Variants in COPS7B observed in about 807,000 individuals in gnomAD.
The protein encoded by COPS7B is COP9 signalosome subunit 7B.
In COPS7B, 9 loss-of-function variants were observed where a neutral mutation model predicts 33.4. That is an observed-to-expected ratio of 0.27 (90% confidence interval 0.16 to 0.47). The LOEUF (loss-of-function observed/expected upper bound fraction) is 0.47. Among genes scored for constraint, COPS7B ranks in the 20% least tolerant of loss-of-function variants. The pLI is 0.99. For synonymous variants in COPS7B, 119 were observed against 126.3 expected, an observed-to-expected ratio of 0.94 and a Z score of 0.39; for missense variants, 242 against 318.2, an observed-to-expected ratio of 0.76 and a Z score of 1.82.
intron 6 of COPS7B, among the ~76,000 whole-genome samples, chr2:231,799,169 T>A (rs1355728456): frequency 6.6e-6 from 1 of 152,210 alleles, no homozygotes; most frequent in Non-Finnish European, 1.5e-5. Flanking sequence ...TGATTCCTGG[T>A]CAGCATAGGG....
upstream of COPS7B, among the ~76,000 whole-genome samples, chr2:231,782,400 A>C (rs2049151896): frequency 6.6e-6 from 1 of 152,132 alleles, no homozygotes; most frequent in Admixed American, 6.5e-5. Flanking sequence ...GTTTTTTGCC[A>C]CTCAAGGTGA....
At position 231,808,801 on chromosome 2, in the gene COPS7B, GTGTGT is replaced by G. The variant is rs2049971477; in HGVS notation, c.*1157_*1161del. The G allele has an allele frequency of 1.5e-5, 3 of 198,356 alleles. No homozygotes were observed. Among genetic ancestry groups the G allele is most frequent in the African/African-American group, 1.0e-4 (3 of 29,830 alleles). The allele number at this position is 198,356 out of a possible 1,614,324, so 12.3% of individuals were successfully genotyped here. A position where few individuals can be genotyped will look rare whatever the true frequency, so the allele number is the denominator to read the frequency against. ...TTGGAGGGTGGGGGTGGGGTGGGGT[GTGTGT>G]GTGTGTGTGTGTGTGTGTGTGTGTG... On this transcript the variant is annotated 3_prime_UTR_variant, in exon 7 of 7. Transcript: ENST00000350033.
Position 231,798,842 on chromosome 2 carries a change from G to C in COPS7B, c.531-17G>C, listed in dbSNP as rs1251935884. On this transcript the variant is annotated splice_polypyrimidine_tract_variant and intron_variant, in intron 5 of 6. Coordinates refer to ENST00000350033, the MANE Select transcript of COPS7B (RefSeq NM_022730.4). ...CCAGGCCATTCTGCAGCTCAGGGCT[G>C]GTTTTCTCCATTGTAGGTGTGATGG... 1 of 1,610,046 alleles carries C rather than the reference G, an allele frequency of 6.2e-7. No homozygotes were observed. Among genetic ancestry groups the C allele is most frequent in the Non-Finnish European group, 8.5e-7 (1 of 1,176,418 alleles).
Position 231,791,755 on chromosome 2 carries a change from C to T in COPS7B, c.185C>T (p.Ala62Val), listed in dbSNP as rs1386715885. ...VQELAEGANA[A>V]YLQLLNLFAY... ...CAGCTTGCGGAAGGAGCTAATGCTG[C>T]TTATTTGCAGTTGTTGAACCTGTTT... The change falls in exon 3 of 7, where the codon GCT becomes GTT. Residue 62 changes from alanine to valine, a missense_variant. Physicochemically the swap from Ala to Val is moderately conservative, Grantham distance 64. Coordinates refer to ENST00000350033, the MANE Select transcript of COPS7B (RefSeq NM_022730.4). The T allele has an allele frequency of 6.2e-7, 1 of 1,613,988 alleles. No individual in the cohort carries two copies. Among genetic ancestry groups the T allele is most frequent in the Non-Finnish European group, 8.5e-7 (1 of 1,180,020 alleles).
At chr2:231,781,953 C>A (rs1262789650), upstream of COPS7B, 1 of 1,471,436 alleles carries the variant, frequency 6.8e-7, no homozygotes, top group Non-Finnish European at 9.3e-7. Flanking sequence ...TTCTTCAAAT[C>A]GTGCTTGTTT....
At chr2:231,800,072 A>G (rs1189816193) in intron 6 of COPS7B, among the ~76,000 whole-genome samples, 1 of 152,130 alleles carries the variant, frequency 6.6e-6, no homozygotes, top group Admixed American at 6.5e-5. Context: ...ACACACACAC[A>G]CCACCCTATA....
upstream of COPS7B, among the ~76,000 whole-genome samples, chr2:231,785,559 T>A (rs1043008112): frequency 3.3e-5 from 5 of 152,246 alleles, no homozygotes; most frequent in Admixed American, 3.3e-4. Flanking sequence ...TTGTTTTATC[T>A]TCATATAACT....
At chr2:231,792,173 A>T in intron 3 of COPS7B, 1 of 458,558 alleles carries the variant, frequency 2.2e-6, no homozygotes. Context: ...CATATTGAAG[A>T]AAATTTGGAA....
chr2:231,798,435 T>G (rs539869028), intron 5 of COPS7B, among the ~76,000 whole-genome samples: 18 of 151,134 alleles, frequency 1.2e-4, no homozygotes, highest in African/African-American at 4.4e-4. Flanking sequence ...TTTTGTATTT[T>G]TAGTAGAGAT....
intron 6 of COPS7B, 123 bp downstream of exon 6, chr2:231,799,087 C>T: frequency 2.5e-6 from 2 of 803,390 alleles, no homozygotes; most frequent in Non-Finnish European, 4.1e-6. Context: ...AACAAGTGGG[C>T]CTGGGCTAGG....
At chr2:231,792,429 C>A (rs2049444248) in intron 3 of COPS7B, among the ~76,000 whole-genome samples, 1 of 152,130 alleles carries the variant, frequency 6.6e-6, no homozygotes, top group Non-Finnish European at 1.5e-5. Context: ...GAGATAGAGA[C>A]TGTAGTAAGC....
At position 231,807,799 on chromosome 2, in the gene COPS7B, A is replaced by T. The variant is rs1411685100; in HGVS notation, c.*154A>T. ...ACCCTGTTGGTACTGTTCCAGAAAAACTGTTACTCCCCCTCACCCACTCCC... is the reference window on the plus strand; with the variant it reads ...ACCCTGTTGGTACTGTTCCAGAAAATCTGTTACTCCCCCTCACCCACTCCC... On this transcript the variant is annotated 3_prime_UTR_variant, in exon 7 of 7. Transcript: ENST00000350033. 4.7e-6 allele frequency: 3 copies of T among 640,884 alleles called. No homozygotes were observed. Among genetic ancestry groups the T allele is most frequent in the Non-Finnish European group, 7.7e-6 (3 of 390,332 alleles). 39.7% of individuals were successfully genotyped at this position (640,884 alleles called of 1,614,324 possible).
intron 5 of COPS7B, among the ~76,000 whole-genome samples, chr2:231,797,324 T>C (rs1223495853): frequency 6.6e-6 from 1 of 152,202 alleles, no homozygotes; most frequent in African/African-American, 2.4e-5. Flanking sequence ...CACCCCAAGT[T>C]CTGTCCCAAA....
intron 1 of COPS7B, among the ~76,000 whole-genome samples, chr2:231,788,046 A>G (rs2049300890): frequency 6.6e-6 from 1 of 152,212 alleles, no homozygotes; most frequent in African/African-American, 2.4e-5. Context: ...AGTGTGTTTC[A>G]AACACCAGAA....
chr2:231,791,721 T>A lies in COPS7B; in HGVS notation c.163-12T>A, dbSNP rs761774393. 1 of 1,614,066 alleles carries A rather than the reference T, an allele frequency of 6.2e-7. No individual in the cohort carries two copies. The highest frequency in any genetic ancestry group is 8.5e-7 in the Non-Finnish European group (1 of 1,179,912). On this transcript the variant is annotated splice_polypyrimidine_tract_variant and intron_variant, in intron 2 of 6. Coordinates refer to ENST00000350033, the MANE Select transcript of COPS7B (RefSeq NM_022730.4). The stretch of plus-strand genomic sequence containing the variant: ...AGTTTGGTCTGTGGTGAACTTTTTT[T>A]TTCCTCTTCAGCTTGCGGAAGGAGC...
chr2:231,792,071 T>G, intron 3 of COPS7B: 11 of 632,352 alleles, frequency 1.7e-5, no homozygotes. Flanking sequence ...TCTTGAGGAC[T>G]GGTGTTTGTA....
intron 6 of COPS7B, among the ~76,000 whole-genome samples, chr2:231,800,869 A>T (rs1350412342): frequency 6.6e-6 from 1 of 152,236 alleles, no homozygotes; most frequent in Admixed American, 6.5e-5. Flanking sequence ...TTCCCTGAGC[A>T]TGGCCAAAGC....
chr2:231,786,418 A>ACGGGTCGG, upstream of COPS7B: 2 of 985,222 alleles, frequency 2.0e-6, no homozygotes, highest in Non-Finnish European at 2.4e-6. Context: ...TGCACGGGCG[A>ACGGGTCGG]CGGGTCGGCG....
chr2:231,787,586 C>A (rs2049287912), intron 1 of COPS7B, among the ~76,000 whole-genome samples: 1 of 150,172 alleles, frequency 6.7e-6, no homozygotes, highest in Non-Finnish European at 1.5e-5. Context: ...TTTTTTTTTA[C>A]ACATTCTGAA....
Sources: gnomAD v4.1 joint callset for allele counts (sites outside exome capture counted in the v4.1 genomes callset) on GRCh38, gnomAD v4.1.1 for gene constraint, MANE v1.5 for transcripts, NCBI Gene and HGNC (gene_info 2026-07-23, HGNC 2026-07-21) for gene names.